Variants in LMO3 observed in about 807,000 individuals in gnomAD.
LMO3 encodes the protein LIM domain only 3.
LMO3 carries 2 observed loss-of-function variants against 15.8 expected under a neutral mutation model. The ratio of observed to expected loss-of-function variants is 0.13; its 90% CI spans 0.05 to 0.40. The LOEUF (loss-of-function observed/expected upper bound fraction) is 0.40, where lower values mean the gene tolerates loss of function less well. LMO3 is among the 10% of genes least tolerant of loss of function. The pLI is 0.99. For missense variants in LMO3, 86 were observed against 182.2 expected (o/e 0.47, Z 3.04); for synonymous variants, 62 against 63.8 (o/e 0.97, Z 0.13).
chr12:16,605,184 C>A, intron 1 of LMO3: 1 of 1,349,460 alleles, frequency 7.4e-7, no homozygotes. Context: ...TGCCCGTAAT[C>A]CTAAAATCCC....
chr12:16,605,583 C>T (rs1943966913), intron 1 of LMO3: 2 of 666,994 alleles, frequency 3.0e-6, no homozygotes, highest in Admixed American at 6.1e-5. Flanking sequence ...AGTGGGGGTT[C>T]ATGAATTCCA....
chr12:16,565,038 A>G (rs1942548097), intron 2 of LMO3, among the ~76,000 whole-genome samples: 1 of 152,046 alleles, frequency 6.6e-6, no homozygotes, highest in Non-Finnish European at 1.5e-5. Context: ...CATCCTCCCA[A>G]CTTGGCCTCC....
intron 1 of LMO3, chr12:16,605,797 C>T (rs1943975658): frequency 6.5e-7 from 1 of 1,535,616 alleles, no homozygotes; most frequent in Non-Finnish European, 8.7e-7. Flanking sequence ...AGCCGCTCTC[C>T]CTCCTTCCAT....
Position 16,555,116 on chromosome 12 carries a change from A to C in LMO3, c.333-3789T>G. On this transcript the variant is annotated intron_variant, in intron 3 of 3. Coordinates refer to ENST00000537304, the MANE Select transcript of LMO3 (RefSeq NM_018640.5). This position sits in a 1 kb window ranked among gnomAD's most constrained non-coding sequence, Gnocchi z 5.5. ...TATTAAACGAATGAGTACATGTAAA[A>C]CACTCAGAACGGTGTTTGGTGTTTG... is the stretch of plus-strand genomic sequence containing the variant. Among the ~76,000 whole-genome samples the C allele has an allele frequency of 6.6e-6, 1 of 152,252 alleles. No individual in the cohort carries two copies. Among genetic ancestry groups the C allele is most frequent in the Non-Finnish European group, 1.5e-5 (1 of 68,048 alleles).
intron 2 of LMO3, among the ~76,000 whole-genome samples, chr12:16,572,506 A>C (rs376398471): frequency 2.0e-5 from 3 of 150,046 alleles, no homozygotes; most frequent in East Asian, 1.9e-4. Context: ...TACTTCTTAG[A>C]AGCTGCTATG....
intron 1 of LMO3, chr12:16,605,286 G>T (rs1298047275): frequency 3.4e-6 from 4 of 1,188,764 alleles, no homozygotes; most frequent in Admixed American, 8.4e-5. Flanking sequence ...ATATGAAAAA[G>T]ATCATAAATC....
rs2137734856 is a variant in LMO3, at chr12:16,604,704, A to G, written c.-9+1362T>C. 1.3e-6 allele frequency: 1 copy of G among 743,352 alleles called. No homozygotes were observed. The highest frequency in any genetic ancestry group is 1.8e-5 in the South Asian group (1 of 56,482). 46.0% of individuals were successfully genotyped at this position (743,352 alleles called of 1,614,324 possible). On this transcript the variant is annotated intron_variant, in intron 1 of 3. Coordinates refer to ENST00000537304, the MANE Select transcript of LMO3 (RefSeq NM_018640.5). The surrounding 1 kb of genome is among the most constrained non-coding windows in gnomAD (Gnocchi z 5.3). ...TGTAGCAGTATTTGTTGCATCTAGC[A>G]AGATTAATTGGTTTAAGCAGCAGTC...
chr12:16,589,284 TG>T lies in LMO3; in HGVS notation c.206+11370del. 6.6e-6 allele frequency among the ~76,000 whole-genome samples: 1 copy of T among 152,118 alleles called. No homozygotes were observed. Among genetic ancestry groups the T allele is most frequent in the East Asian group, 1.9e-4 (1 of 5,182 alleles). ...GAATACATAAGTTATCTGCCACTGATGATCATTGATGGAGAAGGGGCAATAC... is the reference window on the plus strand; with the variant it reads ...GAATACATAAGTTATCTGCCACTGATATCATTGATGGAGAAGGGGCAATAC... On this transcript the variant is annotated intron_variant, in intron 2 of 3. Coordinates refer to ENST00000537304, the MANE Select transcript of LMO3 (RefSeq NM_018640.5). The surrounding 1 kb of genome is among the most constrained non-coding windows in gnomAD (Gnocchi z 4.2).
intron 2 of LMO3, among the ~76,000 whole-genome samples, chr12:16,577,059 T>TG (rs1169044774): frequency 6.6e-6 from 1 of 152,234 alleles, no homozygotes; most frequent in Non-Finnish European, 1.5e-5. Flanking sequence ...ACACTCAAGA[T>TG]GGTTTAGGTG....
At chr12:16,564,753 A>G (rs1382891665) in intron 2 of LMO3, among the ~76,000 whole-genome samples, 5 of 152,216 alleles carry the variant, frequency 3.3e-5, no homozygotes, top group Non-Finnish European at 7.3e-5. Context: ...ATCAGTAGTC[A>G]AGCAATCCTC....
Position 16,582,804 on chromosome 12 carries a change from T to C in LMO3, c.206+17851A>G, listed in dbSNP as rs1157025672. Among the ~76,000 whole-genome samples the C allele has an allele frequency of 1.3e-5, 2 of 152,112 alleles. No homozygotes were observed. On this transcript the variant is annotated intron_variant, in intron 2 of 3. Transcript: ENST00000537304. This position sits in a 1 kb window ranked among gnomAD's most constrained non-coding sequence, Gnocchi z 4.1. Reference sequence around the variant, plus strand: ...GGCCCATGCCTGTAATCCCAGCACTTTGGGAGGCCAAATTGAGTGGATCAC... The same window carrying C: ...GGCCCATGCCTGTAATCCCAGCACTCTGGGAGGCCAAATTGAGTGGATCAC...
chr12:16,597,016 A>G lies in LMO3; in HGVS notation c.206+3639T>C, dbSNP rs1395550189. On this transcript the variant is annotated intron_variant, in intron 2 of 3. Coordinates refer to ENST00000537304, the MANE Select transcript of LMO3 (RefSeq NM_018640.5). The surrounding 1 kb of genome is among the most constrained non-coding windows in gnomAD (Gnocchi z 5.0). Reference sequence around the variant, plus strand: ...GGGTAGATTTCATAATTTCAGTCAGAAACATGTTAGAGGAAGTTTTAAAAA... The same window carrying G: ...GGGTAGATTTCATAATTTCAGTCAGGAACATGTTAGAGGAAGTTTTAAAAA... Among the ~76,000 whole-genome samples, 2 of 151,796 alleles carry G rather than the reference A, an allele frequency of 1.3e-5. No individual in the cohort carries two copies. Among genetic ancestry groups the G allele is most frequent in the Non-Finnish European group, 3.0e-5 (2 of 67,716 alleles).
Position 16,604,571 on chromosome 12 carries a change from A to AT in LMO3, c.-9+1494_-9+1495insA, listed in dbSNP as rs1943927399. On this transcript the variant is annotated intron_variant, in intron 1 of 3. Transcript: ENST00000537304. This position sits in a 1 kb window ranked among gnomAD's most constrained non-coding sequence, Gnocchi z 5.3. ...GCAGCTCACATGCAAAATAAAAAAA[A>AT]AAAATAAGAAACATACATACACTCT... 5.3e-6 allele frequency: 2 copies of AT among 374,160 alleles called. No homozygotes were observed. The highest frequency in any genetic ancestry group is 2.1e-5 in the African/African-American group (1 of 48,708). 23.2% of individuals were successfully genotyped at this position (374,160 alleles called of 1,614,324 possible).
Position 16,550,597 on chromosome 12 carries a change from G to C in LMO3, c.*625C>G, listed in dbSNP as rs1420768123. ...ATTTTTAACCCCCTGAAAATAGGGGGTTATAACAAGAACACTGATAGACTC... is the reference window on the plus strand; with the variant it reads ...ATTTTTAACCCCCTGAAAATAGGGGCTTATAACAAGAACACTGATAGACTC... On this transcript the variant is annotated 3_prime_UTR_variant, in exon 4 of 4. Coordinates refer to ENST00000537304, the MANE Select transcript of LMO3 (RefSeq NM_018640.5). 6.6e-6 allele frequency: 1 copy of C among 152,258 alleles called. No homozygotes were observed. The highest frequency in any genetic ancestry group is 1.5e-5 in the Non-Finnish European group (1 of 67,866). 9.4% of individuals were successfully genotyped at this position (152,258 alleles called of 1,614,324 possible).
rs1287907832 is a variant in LMO3, at chr12:16,597,093, C to T, written c.206+3562G>A. 6.6e-6 allele frequency among the ~76,000 whole-genome samples: 1 copy of T among 151,596 alleles called. No individual in the cohort carries two copies. Among genetic ancestry groups the T allele is most frequent in the South Asian group, 2.1e-4 (1 of 4,836 alleles). On this transcript the variant is annotated intron_variant, in intron 2 of 3. Coordinates refer to ENST00000537304, the MANE Select transcript of LMO3 (RefSeq NM_018640.5). The surrounding 1 kb of genome is among the most constrained non-coding windows in gnomAD (Gnocchi z 5.0). ...TGAGTTTCCAAAGGAGGAAAGCAAT[C>T]CCACAAATGGGCAAATTCTGTCTCA...
At chr12:16,552,875 T>C (rs1394654660) in intron 3 of LMO3, among the ~76,000 whole-genome samples, 1 of 152,100 alleles carries the variant, frequency 6.6e-6, no homozygotes, top group African/African-American at 2.4e-5. Context: ...GCCAGTTTGA[T>C]ATCCTTATCA....
intron 2 of LMO3, among the ~76,000 whole-genome samples, chr12:16,570,728 A>G (rs1409391579): frequency 6.6e-6 from 1 of 152,196 alleles, no homozygotes; most frequent in Non-Finnish European, 1.5e-5. Flanking sequence ...GTTCTGATGT[A>G]AAGGATATCT....
At chr12:16,556,026 A>C (rs2137285914) in intron 3 of LMO3, among the ~76,000 whole-genome samples, 1 of 152,268 alleles carries the variant, frequency 6.6e-6, no homozygotes, top group South Asian at 2.1e-4. Context: ...TCTCTCCCGT[A>C]GCTCCGGACA....
In LMO3 at chr12:16,591,447, C is replaced by G. The variant is rs1943492615; in HGVS notation, c.206+9208G>C. ...ATTTTCTCCTCATTGTGTTTATCAT[C>G]TCCTCATGCCCTATACTTATTTTGT... On this transcript the variant is annotated intron_variant, in intron 2 of 3. Coordinates refer to ENST00000537304, the MANE Select transcript of LMO3 (RefSeq NM_018640.5). This position sits in a 1 kb window ranked among gnomAD's most constrained non-coding sequence, Gnocchi z 4.1. Among the ~76,000 whole-genome samples, 1 of 152,024 alleles carries G rather than the reference C, an allele frequency of 6.6e-6. No individual in the cohort carries two copies. Among genetic ancestry groups the G allele is most frequent in the Non-Finnish European group, 1.5e-5 (1 of 67,976 alleles).
Sources: gnomAD v4.1 joint callset for allele counts (sites outside exome capture counted in the v4.1 genomes callset) on GRCh38, gnomAD v4.1.1 for gene constraint, Gnocchi (gnomAD v3.1) non-coding constraint, MANE v1.5 for transcripts, NCBI Gene and HGNC (gene_info 2026-07-23, HGNC 2026-07-21) for gene names.